Variants in UQCC1 observed in about 807,000 individuals in gnomAD.
UQCC1 encodes bFGF-repressed Zic-binding protein.
A neutral mutation model predicts 48.0 loss-of-function variants in UQCC1; 38 were observed. The ratio of observed to expected loss-of-function variants is 0.79; its 90% confidence interval spans 0.61 to 1.04. The LOEUF is 1.04. Among genes scored for constraint, UQCC1 ranks in the 50% least tolerant of loss-of-function variants. The pLI, the probability that UQCC1 is intolerant of heterozygous loss-of-function variation, is 0.00. For synonymous variants in UQCC1, 111 were observed against 129.2 expected (o/e 0.86, Z 0.95); for missense variants, 368 against 381.8 (o/e 0.96, Z 0.30).
In UQCC1 at chr20:35,366,618, GA is replaced by G. The variant is rs1253466714; in HGVS notation, c.407-5del. ...AATGTATCAGGCATCTGACACCCTA[GA>G]AAATAACAATAAGGTATAAGTATGT... On this transcript the variant is annotated splice_polypyrimidine_tract_variant and splice_region_variant and intron_variant, in intron 5 of 9. Transcript: ENST00000374385. 1 of 1,612,352 alleles carries G rather than the reference GA, an allele frequency of 6.2e-7. No homozygotes were observed. Among genetic ancestry groups the G allele is most frequent in the Non-Finnish European group, 8.5e-7 (1 of 1,178,648 alleles).
intron 9 of UQCC1, among the ~76,000 whole-genome samples, chr20:35,305,887 A>G (rs1297262941): frequency 1.3e-5 from 2 of 152,232 alleles, no homozygotes; most frequent in African/African-American, 4.8e-5. Context: ...CTGAGGCCTC[A>G]GTGGTCACAT....
intron 7 of UQCC1, chr20:35,344,938 TG>T (rs2061417510): frequency 6.6e-6 from 1 of 152,194 alleles, no homozygotes. Flanking sequence ...CAATGGCCAG[TG>T]GTTTAATCAG....
rs529668658 is a variant in UQCC1, at chr20:35,322,602, C to T, written c.574-7837G>A. Reference sequence around the variant, plus strand: ...ACAAAAAATTAGCTGGGCATAGTGGCGCATACCTGTAGTCCCAGCTACTCA... The same window carrying T: ...ACAAAAAATTAGCTGGGCATAGTGGTGCATACCTGTAGTCCCAGCTACTCA... On this transcript the variant is annotated intron_variant, in intron 7 of 9. Coordinates refer to ENST00000374385, the MANE Select transcript of UQCC1 (RefSeq NM_018244.5). 3.0e-4 allele frequency among the ~76,000 whole-genome samples: 45 copies of T among 152,054 alleles called. 1 individual carries two copies. The East Asian group carries it at 8.6e-3, about 29-fold the overall frequency.
In UQCC1 at chr20:35,394,144, G is replaced by T; in HGVS notation, c.77C>A (p.Pro26His). Reference protein sequence around the residue: ...QWVPVCSRLIPVSPTQGQGDR... With the variant: ...QWVPVCSRLIHVSPTQGQGDR... ...CCCCTGTCCTTGGGTAGGAGACACA[G>T]GTATCAATCGGCTGCATACTGGAAC... Residue 26 changes from proline (P) to histidine (H), a missense_variant, in exon 2 of 10, where the codon CCT becomes CAT. Pro to His is a moderately conservative substitution (Grantham distance 77). Coordinates refer to ENST00000374385, the MANE Select transcript of UQCC1 (RefSeq NM_018244.5). 6.2e-7 allele frequency: 1 copy of T among 1,614,040 alleles called. No individual in the cohort carries two copies. Among genetic ancestry groups the T allele is most frequent in the African/African-American group, 1.3e-5 (1 of 74,990 alleles).
chr20:35,342,895 T>A (rs2061396279), intron 7 of UQCC1, among the ~76,000 whole-genome samples: 1 of 152,196 alleles, frequency 6.6e-6, no homozygotes, highest in Non-Finnish European at 1.5e-5. Context: ...GATATATGAG[T>A]CTGCTCCATT....
chr20:35,361,098 A>G (rs1405836371), intron 6 of UQCC1, among the ~76,000 whole-genome samples: 1 of 152,092 alleles, frequency 6.6e-6, no homozygotes, highest in Non-Finnish European at 1.5e-5. Context: ...GAACTACTTA[A>G]CAGTCTTTTT....
At chr20:35,394,516 C>G (rs1429165337) in intron 1 of UQCC1, among the ~76,000 whole-genome samples, 1 of 152,094 alleles carries the variant, frequency 6.6e-6, no homozygotes, top group Admixed American at 6.6e-5. Context: ...ATCCCCACCT[C>G]CAGGAGAGGA....
intron 8 of UQCC1, among the ~76,000 whole-genome samples, chr20:35,313,084 T>A (rs572084450): frequency 3.3e-5 from 5 of 152,242 alleles, no homozygotes; most frequent in East Asian, 1.9e-4. Context: ...ACAATTTTTT[T>A]AAAAAGATGA....
chr20:35,306,571 G>GTCCTTGGTAAC, intron 9 of UQCC1, 95 bp downstream of exon 9: 1 of 934,826 alleles, frequency 1.1e-6, no homozygotes, highest in African/African-American at 1.6e-5. Context: ...TCTCAGGCTG[G>GTCCTTGGTAAC]TCCTTGGTAA....
chr20:35,333,193 C>T (rs1204982298), intron 7 of UQCC1, among the ~76,000 whole-genome samples: 1 of 152,134 alleles, frequency 6.6e-6, no homozygotes, highest in Non-Finnish European at 1.5e-5. Context: ...CAGCCAAGTC[C>T]TTTAAGTTTT....
chr20:35,340,745 G>GT (rs1442663730), intron 7 of UQCC1, among the ~76,000 whole-genome samples: 1 of 152,210 alleles, frequency 6.6e-6, no homozygotes, highest in African/African-American at 2.4e-5. Flanking sequence ...ACCTTTGGCA[G>GT]TGAGTTTTAA....
chr20:35,303,779 C>G lies in UQCC1; in HGVS notation c.*156G>C. ...CCAGCAGATCAGACTCCTGGGCACA[C>G]TAAGAGGAAACTCAACACAAATGGG... On this transcript the variant is annotated 3_prime_UTR_variant, in exon 10 of 10. Transcript: ENST00000374385. The G allele has an allele frequency of 4.7e-6, 5 of 1,061,864 alleles. No homozygotes were observed. The highest frequency in any genetic ancestry group is 6.9e-6 in the Non-Finnish European group (5 of 721,442). The allele number at this position is 1,061,864 out of a possible 1,614,324, so 65.8% of individuals were successfully genotyped here.
At chr20:35,342,706 A>C (rs1420441474) in intron 7 of UQCC1, among the ~76,000 whole-genome samples, 1 of 152,264 alleles carries the variant, frequency 6.6e-6, no homozygotes, top group Non-Finnish European at 1.5e-5. Flanking sequence ...AAGATTTTTA[A>C]GAAGCAGTTA....
At chr20:35,371,985 G>C (rs1277507211) in intron 5 of UQCC1, among the ~76,000 whole-genome samples, 1 of 152,058 alleles carries the variant, frequency 6.6e-6, no homozygotes, top group Non-Finnish European at 1.5e-5. Context: ...ACTGATTCCA[G>C]CCTAGGTGAC....
At chr20:35,385,285 C>T (rs530736337) in intron 2 of UQCC1, among the ~76,000 whole-genome samples, 36 of 152,272 alleles carry the variant, frequency 2.4e-4, no homozygotes, top group African/African-American at 7.9e-4. Context: ...ACTATCATCA[C>T]CAGCATTATT....
intron 1 of UQCC1, 88 bp downstream of exon 1, chr20:35,411,852 C>T: frequency 1.3e-6 from 2 of 1,571,184 alleles, no homozygotes; most frequent in Non-Finnish European, 1.8e-6. Context: ...TTCCCTCCTG[C>T]GATTCCTTCC....
chr20:35,391,345 G>C (rs549788428), intron 2 of UQCC1, among the ~76,000 whole-genome samples: 16 of 152,168 alleles, frequency 1.1e-4, no homozygotes, highest in Non-Finnish European at 2.4e-4. Context: ...AATGTGACCA[G>C]ACACAGTGGC....
intron 6 of UQCC1, among the ~76,000 whole-genome samples, chr20:35,355,388 A>G (rs2061535948): frequency 2.6e-5 from 4 of 152,224 alleles, no homozygotes; most frequent in Non-Finnish European, 4.4e-5. Context: ...CTGTCCAATC[A>G]CCAGTACAAC....
chr20:35,314,999 C>T (rs911511940), intron 7 of UQCC1, among the ~76,000 whole-genome samples: 1 of 152,076 alleles, frequency 6.6e-6, no homozygotes, highest in African/African-American at 2.4e-5. Context: ...GAACTGAGCC[C>T]CAACCACATG....
Sources: allele counts gnomAD v4.1 joint callset (sites outside exome capture counted in the v4.1 genomes callset), GRCh38; gene constraint gnomAD v4.1.1; transcripts MANE v1.5; gene names NCBI Gene and HGNC (gene_info 2026-07-23, HGNC 2026-07-21).